AGBL4: variants seen among roughly 807,000 people sequenced by gnomAD.
AGBL4 encodes cytosolic carboxypeptidase 6.
Under a neutral mutation model 66.4 loss-of-function variants are expected in AGBL4, and 58 were observed. That is an observed-to-expected ratio of 0.87 (90% CI 0.71 to 1.09). The LOEUF (loss-of-function observed/expected upper bound fraction) is 1.09, where lower values mean the gene tolerates loss of function less well. Ranked by LOEUF, AGBL4 falls within the 50% of genes least tolerant of loss-of-function variation. The pLI, the probability that AGBL4 is intolerant of heterozygous loss-of-function variation, is 0.00. For missense variants in AGBL4, 579 were observed against 631.0 expected (o/e 0.92, Z 0.88); for synonymous variants, 234 against 222.9 (o/e 1.05, Z -0.44).
chr1:48,857,835 C>T (rs538840338), intron 6 of AGBL4, among the ~76,000 whole-genome samples: 1 of 152,158 alleles, frequency 6.6e-6, no homozygotes, highest in South Asian at 2.1e-4. Flanking sequence ...TAAACTTCAT[C>T]AGAATTAAAC....
intron 6 of AGBL4, among the ~76,000 whole-genome samples, chr1:48,691,259 A>G (rs1416189964): frequency 6.6e-6 from 1 of 151,044 alleles, no homozygotes; most frequent in Non-Finnish European, 1.5e-5. Context: ...TATAATCTAT[A>G]TTAAAATTTT....
chr1:49,678,743 G>A (rs1646629397), intron 3 of AGBL4, among the ~76,000 whole-genome samples: 1 of 151,918 alleles, frequency 6.6e-6, no homozygotes, highest in Admixed American at 6.6e-5. Context: ...GCATTGTTTA[G>A]TTTACAAATG....
chr1:49,062,204 G>C (rs1480563303), intron 4 of AGBL4, among the ~76,000 whole-genome samples: 2 of 152,154 alleles, frequency 1.3e-5, no homozygotes, highest in African/African-American at 4.8e-5. Flanking sequence ...AAAATGGGTT[G>C]CTGGTGCCAA....
intron 2 of AGBL4, among the ~76,000 whole-genome samples, chr1:49,776,195 CT>C (rs1267258425): frequency 1.3e-5 from 2 of 152,106 alleles, no homozygotes; most frequent in African/African-American, 4.8e-5. Flanking sequence ...CAATATTTGA[CT>C]TAGATCTGAA....
chr1:49,689,200 T>C (rs1646841086), intron 3 of AGBL4, among the ~76,000 whole-genome samples: 1 of 152,186 alleles, frequency 6.6e-6, no homozygotes, highest in Admixed American at 6.5e-5. Flanking sequence ...AGTTTCATAG[T>C]TTGAGGTCTC....
chr1:49,087,087 C>T (rs1223117169), intron 4 of AGBL4, among the ~76,000 whole-genome samples: 1 of 149,982 alleles, frequency 6.7e-6, no homozygotes, highest in Non-Finnish European at 1.5e-5. Context: ...AAAAACACAC[C>T]CAAAGAACAG....
intron 4 of AGBL4, among the ~76,000 whole-genome samples, chr1:49,202,179 T>A (rs1469579538): frequency 1.3e-5 from 2 of 152,170 alleles, no homozygotes; most frequent in East Asian, 3.9e-4. Flanking sequence ...TCAGATAAGA[T>A]GTTCAATTGA....
chr1:49,388,205 G>A (rs1165767259), intron 3 of AGBL4, among the ~76,000 whole-genome samples: 1 of 152,030 alleles, frequency 6.6e-6, no homozygotes, highest in Admixed American at 6.6e-5. Flanking sequence ...GTATAGTGCA[G>A]GAGTGGATAA....
At chr1:50,001,492 T>C (rs1572039065) in intron 1 of AGBL4, among the ~76,000 whole-genome samples, 1 of 137,600 alleles carries the variant, frequency 7.3e-6, no homozygotes, top group East Asian at 2.7e-4. Flanking sequence ...TATACATATA[T>C]ATGTATGTGT....
At chr1:49,352,473 T>A (rs1272460154) in intron 3 of AGBL4, among the ~76,000 whole-genome samples, 1 of 147,098 alleles carries the variant, frequency 6.8e-6, no homozygotes, top group African/African-American at 2.5e-5. Flanking sequence ...GGCTGCTTAA[T>A]CTGCACTGGG....
chr1:49,416,986 T>C (rs1205972378), intron 3 of AGBL4, among the ~76,000 whole-genome samples: 2 of 152,128 alleles, frequency 1.3e-5, no homozygotes, highest in South Asian at 2.1e-4. Flanking sequence ...CACTGCTCCA[T>C]GACTAAGAGA....
At chr1:49,749,722 T>C (rs898124382) in intron 2 of AGBL4, among the ~76,000 whole-genome samples, 1 of 152,168 alleles carries the variant, frequency 6.6e-6, no homozygotes, top group Non-Finnish European at 1.5e-5. Flanking sequence ...GTCTTCTACA[T>C]TAAAAACTAC....
In AGBL4 at chr1:49,530,282, ACT is replaced by A. The variant is rs1310801671; in HGVS notation, c.282+167029_282+167030del. Among the ~76,000 whole-genome samples the A allele has an allele frequency of 4.6e-4, 67 of 145,470 alleles. 2 individuals carry two copies. Among genetic ancestry groups the A allele is most frequent in the South Asian group, 2.0e-3 (9 of 4,584 alleles). ...TGTAAAAAAAAAAAAACAAAAAAAAACTCTATGAGTTTTTTTTTATTATTATA... is the reference window on the plus strand; with the variant it reads ...TGTAAAAAAAAAAAAACAAAAAAAAACTATGAGTTTTTTTTTATTATTATA... On this transcript the variant is annotated intron_variant, in intron 3 of 13. Transcript: ENST00000371839.
chr1:48,696,049 G>GATGGCC (rs1421732730), intron 6 of AGBL4, among the ~76,000 whole-genome samples: 1 of 152,136 alleles, frequency 6.6e-6, no homozygotes, highest in East Asian at 1.9e-4. Context: ...GGCTGTCTGC[G>GATGGCC]CTGGCCCTGA....
intron 3 of AGBL4, among the ~76,000 whole-genome samples, chr1:49,646,905 A>AT (rs1346509011): frequency 6.6e-6 from 1 of 151,978 alleles, no homozygotes; most frequent in Non-Finnish European, 1.5e-5. Context: ...TGCAAAGTCA[A>AT]TTCAATGAAA....
intron 6 of AGBL4, among the ~76,000 whole-genome samples, chr1:48,796,203 T>C (rs1186745009): frequency 3.3e-5 from 5 of 152,236 alleles, no homozygotes; most frequent in Non-Finnish European, 1.5e-5. Flanking sequence ...AAATACTTTT[T>C]CTAACCCTAC....
chr1:49,313,077 A>G (rs1644969969), intron 3 of AGBL4, among the ~76,000 whole-genome samples: 1 of 150,284 alleles, frequency 6.7e-6, no homozygotes. Context: ...CCCTGTATCC[A>G]TGTGTTCTCA....
intron 2 of AGBL4, among the ~76,000 whole-genome samples, chr1:49,710,436 T>A (rs1290112033): frequency 6.6e-6 from 1 of 152,038 alleles, no homozygotes; most frequent in Admixed American, 6.6e-5. Context: ...CTGGGCCTGT[T>A]GGAGGTTGTG....
chr1:48,723,310 C>T (rs137916373), intron 6 of AGBL4, among the ~76,000 whole-genome samples: 2,210 of 152,204 alleles, frequency 0.015, 57 homozygotes, highest in African/African-American at 0.051. Flanking sequence ...ATGGCAATAA[C>T]TGGATGGACT....
Sources: allele counts gnomAD v4.1 joint callset (sites outside exome capture counted in the v4.1 genomes callset), GRCh38; gene constraint gnomAD v4.1.1; transcripts MANE v1.5; gene names NCBI Gene and HGNC (gene_info 2026-07-23, HGNC 2026-07-21).